The following MAST4 variants were observed in gnomAD, a reference collection of about 807,000 sequenced individuals.
The protein encoded by MAST4 is microtubule-associated serine/threonine-protein kinase 4.
In MAST4, 89 loss-of-function variants were observed where a neutral mutation model predicts 162.7. The ratio of observed to expected loss-of-function variants is 0.55; its 90% CI spans 0.46 to 0.65. The LOEUF (loss-of-function observed/expected upper bound fraction) is 0.65. Among genes scored for constraint, MAST4 ranks in the 30% least tolerant of loss-of-function variants. The probability of loss-of-function intolerance (pLI) is 0.00; values close to 1 mark genes in which losing one functional copy is unlikely to be tolerated. For synonymous variants in MAST4, 1,479 were observed against 1,361.1 expected, an observed-to-expected ratio of 1.09 and a Z score of -1.91; for missense variants, 3,153 against 3,374.0, an observed-to-expected ratio of 0.93 and a Z score of 1.62.
intron 14 of MAST4, among the ~76,000 whole-genome samples, chr5:67,125,259 T>G (rs994580010): frequency 3.9e-5 from 6 of 152,086 alleles, no homozygotes; most frequent in South Asian, 4.1e-4. Context: ...CTTTTTTTTT[T>G]TTGTTATTAT....
rs1250978007 is a variant in MAST4 at position 67,167,859 on chromosome 5, A to T, written c.*808A>T. Reference sequence around the variant, plus strand: ...AAAGGCCAGTTGTTCCTTTCTGTGGATGTGGATGTCTGGCCTTCACCTGAG... The same window carrying T: ...AAAGGCCAGTTGTTCCTTTCTGTGGTTGTGGATGTCTGGCCTTCACCTGAG... On this transcript the variant is annotated 3_prime_UTR_variant, in exon 29 of 29. Transcript: ENST00000403625. 1 of 152,212 alleles carries T rather than the reference A, an allele frequency of 6.6e-6. No individual in the cohort carries two copies. The allele number at this position is 152,212 out of a possible 1,614,324, so 9.4% of individuals were successfully genotyped here.
At chr5:67,150,363 T>C (rs1481324910) in intron 24 of MAST4, among the ~76,000 whole-genome samples, 1 of 152,170 alleles carries the variant, frequency 6.6e-6, no homozygotes, top group Non-Finnish European at 1.5e-5. Flanking sequence ...AGAAAACAGA[T>C]CATGTATAAA....
intron 4 of MAST4, among the ~76,000 whole-genome samples, chr5:67,009,233 C>T (rs1335840782): frequency 1.3e-5 from 2 of 152,190 alleles, no homozygotes; most frequent in Non-Finnish European, 2.9e-5. Flanking sequence ...AGAATTTGGT[C>T]TCAGGGAACC....
At chr5:66,635,605 A>AT (rs1344208194) in intron 1 of MAST4, among the ~76,000 whole-genome samples, 2 of 152,306 alleles carry the variant, frequency 1.3e-5, no homozygotes, top group East Asian at 3.9e-4. Context: ...GAAGGTGGAC[A>AT]TTGAAAGCTA....
At chr5:67,061,584 C>CT (rs200711899) in intron 5 of MAST4, among the ~76,000 whole-genome samples, 2 of 150,126 alleles carry the variant, frequency 1.3e-5, no homozygotes, top group Non-Finnish European at 3.0e-5. Flanking sequence ...AACTGTCAGT[C>CT]TTTTTTTTAT....
At chr5:67,141,230 G>A (rs1770373685) in intron 19 of MAST4, among the ~76,000 whole-genome samples, 1 of 152,186 alleles carries the variant, frequency 6.6e-6, no homozygotes, top group African/African-American at 2.4e-5. Flanking sequence ...CTTTTGGCAG[G>A]GAGGCTGATT....
intron 3 of MAST4, among the ~76,000 whole-genome samples, chr5:66,856,263 A>C (rs1040562657): frequency 3.3e-5 from 5 of 152,204 alleles, no homozygotes; most frequent in Non-Finnish European, 7.4e-5. Flanking sequence ...CAAAGGGTGC[A>C]GGGAGAACCT....
chr5:67,071,389 A>C (rs750498316), intron 5 of MAST4, among the ~76,000 whole-genome samples: 1 of 152,212 alleles, frequency 6.6e-6, no homozygotes, highest in Non-Finnish European at 1.5e-5. Context: ...AGGTAGATAG[A>C]TAAAATCATA....
chr5:66,916,722 T>C (rs1414701417), intron 4 of MAST4, among the ~76,000 whole-genome samples: 1 of 152,192 alleles, frequency 6.6e-6, no homozygotes, highest in Non-Finnish European at 1.5e-5. Context: ...TTAAACAAGA[T>C]GTTAAGCACC....
At chr5:66,919,363 A>G (rs1764329515) in intron 4 of MAST4, among the ~76,000 whole-genome samples, 1 of 151,788 alleles carries the variant, frequency 6.6e-6, no homozygotes, top group Non-Finnish European at 1.5e-5. Context: ...TCTCATTCTA[A>G]AGAAGGTAAT....
At chr5:66,815,485 G>T (rs566003525) in intron 3 of MAST4, among the ~76,000 whole-genome samples, 1 of 151,830 alleles carries the variant, frequency 6.6e-6, no homozygotes, top group East Asian at 1.9e-4. Context: ...TATTTTAATA[G>T]AAAAAAAACA....
chr5:66,833,978 A>G (rs1195182904), intron 3 of MAST4, among the ~76,000 whole-genome samples: 1 of 152,170 alleles, frequency 6.6e-6, no homozygotes, highest in African/African-American at 2.4e-5. Context: ...TAAATGAGGC[A>G]TTTAAAGATT....
chr5:67,104,552 A>G lies in MAST4; in HGVS notation c.1333A>G (p.Lys445Glu). 3 of 1,613,544 alleles carry G rather than the reference A, an allele frequency of 1.9e-6. No individual in the cohort carries two copies. The highest frequency in any genetic ancestry group is 2.5e-6 in the Non-Finnish European group (3 of 1,179,636). The change falls in exon 10 of 29, where the codon AAA becomes GAA. Residue 445 changes from lysine (K) to glutamate (E), a missense_variant. By Grantham distance (56) the Lys-to-Glu change is moderately conservative. This residue lies in a region of MAST4 where 360 missense variants were observed against 450.0 expected (regional missense o/e 0.80). Coordinates refer to ENST00000403625, the MANE Select transcript of MAST4 (RefSeq NM_001164664.2). ...TSRYFLELQH[K>E]LDKLLQEAHD... ...ACGATACTTCCTTGAATTACAGCACAAATTAGATAAGTTGCTACAGGAGGT... is the reference window on the plus strand; with the variant it reads ...ACGATACTTCCTTGAATTACAGCACGAATTAGATAAGTTGCTACAGGAGGT...
At chr5:66,680,263 G>T (rs6880657) in intron 1 of MAST4, among the ~76,000 whole-genome samples, 3 of 152,118 alleles carry the variant, frequency 2.0e-5, no homozygotes, top group African/African-American at 7.2e-5. Context: ...TGTTGACTTT[G>T]TTTTTTAGAG....
intron 11 of MAST4, 50 bp downstream of exon 11, chr5:67,110,249 C>T (rs1392679282): frequency 2.3e-6 from 3 of 1,314,570 alleles, no homozygotes; most frequent in Non-Finnish European, 3.3e-6. Context: ...ACTGGGAAAG[C>T]AGTTACCATC....
intron 2 of MAST4, among the ~76,000 whole-genome samples, chr5:66,778,550 T>C (rs1754707264): frequency 6.6e-6 from 1 of 152,246 alleles, no homozygotes; most frequent in South Asian, 2.1e-4. Context: ...AATAGTTTTT[T>C]TATGAACAAG....
chr5:67,091,633 TTTAA>T (rs1415744900), intron 6 of MAST4, among the ~76,000 whole-genome samples: 2 of 152,196 alleles, frequency 1.3e-5, no homozygotes, highest in Admixed American at 6.5e-5. Context: ...GGAGAATGCA[TTTAA>T]TTATTATAAG....
At chr5:66,678,564 G>A (rs910497448) in intron 1 of MAST4, among the ~76,000 whole-genome samples, 3 of 150,436 alleles carry the variant, frequency 2.0e-5, no homozygotes, top group African/African-American at 4.9e-5. Context: ...ACACGATCTC[G>A]GCTCACTGCA....
At position 66,964,242 on chromosome 5, in the gene MAST4, G is replaced by A. The variant is rs575415846; in HGVS notation, c.674+64260G>A. On this transcript the variant is annotated intron_variant, in intron 4 of 28. Coordinates refer to ENST00000403625, the MANE Select transcript of MAST4 (RefSeq NM_001164664.2). ...TTAAATCATTTTTTAGAACTCCAAG[G>A]TATATACTCCTACCCCCTCACTCAT... is the stretch of plus-strand genomic sequence containing the variant. Among the ~76,000 whole-genome samples, 294 of 152,102 alleles carry A rather than the reference G, an allele frequency of 1.9e-3. 2 individuals are homozygous for A. Among genetic ancestry groups the A allele is most frequent in the Non-Finnish European group, 1.0e-3 (69 of 67,980 alleles).
Sources: gnomAD v4.1 joint callset for allele counts (sites outside exome capture counted in the v4.1 genomes callset) on GRCh38, gnomAD v4.1.1 for gene constraint, gnomAD v4.1.1 regional missense constraint, MANE v1.5 for transcripts, NCBI Gene and HGNC (gene_info 2026-07-23, HGNC 2026-07-21) for gene names.